MIB2: variants seen among roughly 807,000 people sequenced by gnomAD.
The protein encoded by MIB2 is E3 ubiquitin-protein ligase MIB2.
Under a neutral mutation model 96.6 loss-of-function variants are expected in MIB2, and 78 were observed. The ratio of observed to expected loss-of-function variants is 0.81; its 90% CI spans 0.67 to 0.97. The LOEUF is 0.97. Among genes scored for constraint, MIB2 ranks in the 50% least tolerant of loss-of-function variants. The pLI is 0.00. For synonymous variants in MIB2, 820 were observed against 629.5 expected, an observed-to-expected ratio of 1.30 and a Z score of -4.53; for missense variants, 1,543 against 1,424.0, an observed-to-expected ratio of 1.08 and a Z score of -1.35.
Position 1,629,300 on chromosome 1 carries a change from C to G in MIB2, c.2370C>G (p.Ala790=). Residue 790 remains alanine (A), a synonymous_variant, in exon 17 of 20, where the codon GCC becomes GCG. Transcript: ENST00000355826. ...TGCTCAAGGCCCTTCAGGGCTGCGC[C>G]CAGCGCTTCCGGTGAGTCCGTGGAC... ...GRVLKALQGC[A]QRFRERQAGG... The G allele has an allele frequency of 6.6e-7, 1 of 1,506,268 alleles. No individual in the cohort carries two copies. The highest frequency in any genetic ancestry group is 8.7e-7 in the Non-Finnish European group (1 of 1,142,918). 93.3% of individuals were successfully genotyped at this position (1,506,268 alleles called of 1,614,324 possible). A position where few individuals can be genotyped will look rare whatever the true frequency, so the allele number is the denominator to read the frequency against.
chr1:1,627,998 C>T (rs1644971557), intron 13 of MIB2, 21 bp from the exon 14 acceptor site: 13 of 1,611,604 alleles, frequency 8.1e-6, no homozygotes, highest in Non-Finnish European at 1.1e-5. Context: ...CCCCAGGTGA[C>T]CACTGACTCC....
chr1:1,629,964 C>T (rs1441733092), intron 19 of MIB2, among the ~76,000 whole-genome samples: 1 of 148,968 alleles, frequency 6.7e-6, no homozygotes, highest in Non-Finnish European at 1.5e-5. Context: ...TTCACGGCCC[C>T]TCCCAGATCA....
At position 1,630,600 on chromosome 1, in the gene MIB2, C is replaced by A. The variant is rs1000822115; in HGVS notation, c.*70C>A. 1 of 1,280,382 alleles carries A rather than the reference C, an allele frequency of 7.8e-7. No individual in the cohort carries two copies. The highest frequency in any genetic ancestry group is 1.0e-6 in the Non-Finnish European group (1 of 958,968). The allele number at this position is 1,280,382 out of a possible 1,614,324, so 79.3% of individuals were successfully genotyped here. ...CCTGTGTTTTATAAAAAGAAAGATTCTCGGACGTTGCCTCTGCTGTCTGCC... is the reference window on the plus strand; with the variant it reads ...CCTGTGTTTTATAAAAAGAAAGATTATCGGACGTTGCCTCTGCTGTCTGCC... On this transcript the variant is annotated 3_prime_UTR_variant, in exon 20 of 20. Transcript: ENST00000355826.
intron 1 of MIB2, chr1:1,615,926 G>A (rs958178513): frequency 2.0e-6 from 2 of 994,794 alleles, no homozygotes; most frequent in Middle Eastern, 5.1e-4. Flanking sequence ...CGTCCGGGCC[G>A]GGTGGGCTGC....
chr1:1,628,048 CG>C lies in MIB2; in HGVS notation c.1711del (p.Ala571ProfsTer44), dbSNP rs1644977846. 6.2e-7 allele frequency: 1 copy of C among 1,613,048 alleles called. No individual in the cohort carries two copies. The highest frequency in any genetic ancestry group is 8.5e-7 in the Non-Finnish European group (1 of 1,179,976). Reference protein sequence around the residue: ...DAHSDTPLHSAISAGTGASGI... With the variant: ...DAHSDTPLHSXISAGTGASGI... Reference sequence around the variant, plus strand: ...CCCACTCGGACACGCCCCTGCACTCCGCCATCTCGGCGGGCACTGGAGCCAG... The same window carrying C: ...CCCACTCGGACACGCCCCTGCACTCCCCATCTCGGCGGGCACTGGAGCCAG... On this transcript the variant is annotated frameshift_variant, in exon 14 of 20. Transcript: ENST00000355826. LOFTEE classifies it high-confidence loss of function.
At position 1,625,020 on chromosome 1, in the gene MIB2, G is replaced by C. The variant is rs1644607013; in HGVS notation, c.556G>C (p.Asp186His). The C allele has an allele frequency of 6.2e-7, 1 of 1,612,804 alleles. No individual in the cohort carries two copies. The highest frequency in any genetic ancestry group is 1.7e-5 in the Admixed American group (1 of 59,994). ...GGAAGGGAAACCGGGCCGTGTGGTG[G>C]ACATCCGTGGCTGGGATGTGGAGAC... is the stretch of plus-strand genomic sequence containing the variant. ...GGEGKPGRVVDIRGWDVETGR... is the reference protein window; with the variant it reads ...GGEGKPGRVVHIRGWDVETGR... The change falls in exon 6 of 20, where the codon GAC becomes CAC. Residue 186 changes from aspartate (D) to histidine (H), a missense_variant. Transcript: ENST00000355826. This position sits in a 1 kb window ranked among gnomAD's most constrained non-coding sequence, Gnocchi z 5.0.
At position 1,627,427 on chromosome 1, in the gene MIB2, G is replaced by A. The variant is rs763401960; in HGVS notation, c.1506G>A (p.Leu502=). ...DLPDDEGNTA[L]HYAALGNQPE... ...CGGACGACGAGGGCAACACGGCACT[G>A]CACTACGCGGCCCTGGGGTGAGGCC... The change falls in exon 12 of 20, where the codon CTG becomes CTA. Residue 502 remains leucine (L), a synonymous_variant. Coordinates refer to ENST00000355826, the MANE Select transcript of MIB2 (RefSeq NM_001170687.4). 1 of 1,612,182 alleles carries A rather than the reference G, an allele frequency of 6.2e-7. No individual in the cohort carries two copies. The highest frequency in any genetic ancestry group is 1.7e-5 in the Admixed American group (1 of 59,958).
chr1:1,615,546 G>A lies in MIB2; in HGVS notation c.-217G>A, dbSNP rs1211295172. On this transcript the variant is annotated 5_prime_UTR_variant, in exon 1 of 20. Transcript: ENST00000355826. ...CCAGCCGCCGCTCTCCTCAGTGCCC[G>A]GTGGCCCAGGAGGGCCTGGGAGCCC... is the stretch of plus-strand genomic sequence containing the variant. The A allele has an allele frequency of 1.3e-6, 2 of 1,535,594 alleles. No homozygotes were observed. The highest frequency in any genetic ancestry group is 8.7e-7 in the Non-Finnish European group (1 of 1,145,912).
At chr1:1,621,268 C>T (rs969737728) in intron 2 of MIB2, among the ~76,000 whole-genome samples, 3 of 152,162 alleles carry the variant, frequency 2.0e-5, no homozygotes, top group African/African-American at 4.8e-5. Context: ...CCTGGCTCCG[C>T]GGGGCCTCCG....
rs1407653339 is a variant in MIB2 at position 1,626,823 on chromosome 1, T to G, written c.1078-14T>G. On this transcript the variant is annotated splice_polypyrimidine_tract_variant and intron_variant, in intron 9 of 19. Transcript: ENST00000355826. This position sits in a 1 kb window ranked among gnomAD's most constrained non-coding sequence, Gnocchi z 5.3. ...ACACCTGCAGCCTGCTGTGACCCCC[T>G]CCCCTCCCCGCAGGCCCTGGGCCGC... is the stretch of plus-strand genomic sequence containing the variant. 1 of 1,538,374 alleles carries G rather than the reference T, an allele frequency of 6.5e-7. No individual in the cohort carries two copies. Among genetic ancestry groups the G allele is most frequent in the East Asian group, 2.4e-5 (1 of 41,274 alleles).
Position 1,624,860 on chromosome 1 carries a change from A to C in MIB2, c.485A>C (p.Lys162Thr). The change falls in exon 5 of 20, where the codon AAG becomes ACG. Residue 162 changes from lysine (K) to threonine (T), a missense_variant. Lys to Thr is a moderately conservative substitution (Grantham distance 78). Transcript: ENST00000355826. ...IPLRGIFQGAKVVRGPDWEWG... is the reference protein window; with the variant it reads ...IPLRGIFQGATVVRGPDWEWG... ...CTAAGGGGCATCTTCCAGGGAGCGA[A>C]GGTGGTGCGAGGCCCCGACTGGGAG... The C allele has an allele frequency of 6.2e-7, 1 of 1,613,064 alleles. No homozygotes were observed. The highest frequency in any genetic ancestry group is 8.5e-7 in the Non-Finnish European group (1 of 1,179,964).
rs369878817 is a variant in MIB2 at position 1,627,763 on chromosome 1, C to T, written c.1614C>T (p.Ala538=). ...NSTQSTALHV[A]VQRGFLEVVR... The stretch of plus-strand genomic sequence containing the variant: ...CCCAGAGCACAGCACTGCACGTGGC[C>T]GTGCAGAGGGGCTTCCTGGAGGTGG... The change falls in exon 13 of 20, where the codon GCC becomes GCT. Residue 538 remains alanine (A), a synonymous_variant. Transcript: ENST00000355826. 7 of 1,597,266 alleles carry T rather than the reference C, an allele frequency of 4.4e-6. No homozygotes were observed. Among genetic ancestry groups the T allele is most frequent in the African/African-American group, 1.3e-5 (1 of 74,860 alleles).
intron 19 of MIB2, among the ~76,000 whole-genome samples, chr1:1,629,944 C>T (rs967111024): frequency 6.7e-6 from 1 of 148,518 alleles, no homozygotes; most frequent in African/African-American, 2.5e-5. Flanking sequence ...ACACCCCAGC[C>T]CCGCTGGATT....
In MIB2 at chr1:1,627,350, C is replaced by T. The variant is rs1644886459; in HGVS notation, c.1429C>T (p.Gln477Ter). Residue 477 changes from glutamine to a stop codon, truncating the protein, a stop_gained, in exon 12 of 20, where the codon CAG becomes TAG. Transcript: ENST00000355826. LOFTEE classifies it high-confidence loss of function. ...TALQVAAYLGQVELIRLLLQA... is the reference protein window; with the variant it reads ...TALQVAAYLG Reference sequence around the variant, plus strand: ...TCTGCAAGTGGCTGCCTACCTGGGCCAGGTGGAGTTGATACGGCTGCTGCT... The same window carrying T: ...TCTGCAAGTGGCTGCCTACCTGGGCTAGGTGGAGTTGATACGGCTGCTGCT... The T allele has an allele frequency of 6.2e-7, 1 of 1,613,140 alleles. No homozygotes were observed. The highest frequency in any genetic ancestry group is 8.5e-7 in the Non-Finnish European group (1 of 1,179,974).
rs1644812048 is a variant in MIB2, at chr1:1,626,753, CTG to C, written c.1077+2_1077+3del. 4 of 1,585,938 alleles carry C rather than the reference CTG, an allele frequency of 2.5e-6. No individual in the cohort carries two copies. The highest frequency in any genetic ancestry group is 3.4e-6 in the Non-Finnish European group (4 of 1,168,810). On this transcript the variant is annotated splice_donor_variant and coding_sequence_variant, in exon 9 of 20. Coordinates refer to ENST00000355826, the MANE Select transcript of MIB2 (RefSeq NM_001170687.4). LOFTEE classifies it high-confidence loss of function. The surrounding 1 kb of genome is among the most constrained non-coding windows in gnomAD (Gnocchi z 5.3). ...GGCGAGTGGACGGACGACATGGCCCCTGTGAGTCCCCCTGCCACCCCCGCCGC... is the reference window on the plus strand; with the variant it reads ...GGCGAGTGGACGGACGACATGGCCCCTGAGTCCCCCTGCCACCCCCGCCGC...
Position 1,616,505 on chromosome 1 carries a change from C to T in MIB2, c.-129-3C>T, listed in dbSNP as rs1570462311. On this transcript the variant is annotated splice_polypyrimidine_tract_variant and splice_region_variant and intron_variant, in intron 1 of 19. Transcript: ENST00000355826. ...GCATCTTGGCATCTCCCCTCGGCCA[C>T]AGGGTTGGAAGCCCAGCGAGGCTAG... 1 of 1,574,824 alleles carries T rather than the reference C, an allele frequency of 6.3e-7. No individual in the cohort carries two copies. Among genetic ancestry groups the T allele is most frequent in the Non-Finnish European group, 8.6e-7 (1 of 1,161,490 alleles).
Position 1,626,411 on chromosome 1 carries a change from G to A in MIB2, c.973-239G>A, listed in dbSNP as rs1273044333. 8 of 534,736 alleles carry A rather than the reference G, an allele frequency of 1.5e-5. No individual in the cohort carries two copies. Among genetic ancestry groups the A allele is most frequent in the Admixed American group, 1.1e-4 (3 of 28,020 alleles). The allele number at this position is 534,736 out of a possible 1,614,324, so 33.1% of individuals were successfully genotyped here. A position where few individuals can be genotyped will look rare whatever the true frequency, so the allele number is the denominator to read the frequency against. The stretch of plus-strand genomic sequence containing the variant: ...TCGGCTTCACACCTGCCCAGAGCTG[G>A]CTTCTGTCTGCCTGGACACTCCTCC... On this transcript the variant is annotated intron_variant, in intron 8 of 19. Coordinates refer to ENST00000355826, the MANE Select transcript of MIB2 (RefSeq NM_001170687.4). This position sits in a 1 kb window ranked among gnomAD's most constrained non-coding sequence, Gnocchi z 5.3.
chr1:1,616,219 C>A, intron 1 of MIB2: 1 of 569,450 alleles, frequency 1.8e-6, no homozygotes, highest in Non-Finnish European at 2.2e-6. Context: ...CCGTGCCCGC[C>A]CCTGGCCCGC....
rs1370936996 is a variant in MIB2 at position 1,630,396 on chromosome 1, C to T, written c.2734C>T (p.Pro912Ser). Residue 912 changes from proline to serine, a missense_variant, in exon 20 of 20, where the codon CCC (proline) becomes TCC (serine). Pro to Ser is a moderately conservative substitution (Grantham distance 74, BLOSUM62 -1). Transcript: ENST00000355826. ...YRQMEERITC[P>S]ICIDSHIRLV... is the part of the protein sequence containing the mutation. ...GCAGATGGAGGAACGCATCACCTGC[C>T]CCATCTGCATCGACAGCCACATCCG... 2 of 1,569,354 alleles carry T rather than the reference C, an allele frequency of 1.3e-6. No homozygotes were observed. Among genetic ancestry groups the T allele is most frequent in the Non-Finnish European group, 8.6e-7 (1 of 1,159,176 alleles).
Sources: gnomAD v4.1 joint callset for allele counts (sites outside exome capture counted in the v4.1 genomes callset) on GRCh38, gnomAD v4.1.1 for gene constraint, Gnocchi (gnomAD v3.1) non-coding constraint, MANE v1.5 for transcripts, NCBI Gene and HGNC (gene_info 2026-07-23, HGNC 2026-07-21) for gene names.